The following TAFA2 variants were observed in gnomAD, a reference collection of about 807,000 sequenced individuals.
The protein encoded by TAFA2 is TAFA chemokine like family member 2, also known as chemokine-like protein TAFA-2.
A neutral mutation model predicts 18.8 loss-of-function variants in TAFA2; 7 were observed. The observed-to-expected ratio is 0.37, with a 90% CI of 0.21 to 0.70. The LOEUF (loss-of-function observed/expected upper bound fraction) is 0.70. Among genes scored for constraint, TAFA2 ranks in the 30% least tolerant of loss-of-function variants. The pLI, the probability that TAFA2 is intolerant of heterozygous loss-of-function variation, is 0.53. For missense variants in TAFA2, 122 were observed against 158.1 expected, an observed-to-expected ratio of 0.77 and a Z score of 1.23; for synonymous variants, 60 against 54.2, an observed-to-expected ratio of 1.11 and a Z score of -0.47.
chr12:62,021,777 T>C, intron 1 of TAFA2: 1 of 1,063,252 alleles, frequency 9.4e-7, no homozygotes, highest in East Asian at 2.4e-5. Context: ...GAGCAACACA[T>C]GGCACATGGC....
intron 1 of TAFA2, among the ~76,000 whole-genome samples, chr12:61,960,742 TTTTTA>T (rs1878854477): frequency 6.7e-6 from 1 of 149,344 alleles, no homozygotes; most frequent in South Asian, 2.2e-4. Context: ...TTGTGTCTGT[TTTTTA>T]AAGTTTAGCC....
At chr12:61,717,572 A>G (rs555653163) in intron 4 of TAFA2, among the ~76,000 whole-genome samples, 1 of 152,296 alleles carries the variant, frequency 6.6e-6, no homozygotes, top group South Asian at 2.1e-4. Flanking sequence ...CATTTCCACT[A>G]AAGGACCTTG....
intron 1 of TAFA2, among the ~76,000 whole-genome samples, chr12:61,975,331 G>A (rs914075005): frequency 6.6e-6 from 1 of 151,270 alleles, no homozygotes; most frequent in East Asian, 1.9e-4. Flanking sequence ...CCAACCTCTG[G>A]TAACCACCAT....
chr12:62,206,632 AGCCTCCTGCCTCATTTTTT>A (rs1300106087), intron 1 of TAFA2, among the ~76,000 whole-genome samples: 1 of 151,926 alleles, frequency 6.6e-6, no homozygotes, highest in East Asian at 1.9e-4. Flanking sequence ...GGCTCAAGAG[AGCCTCCTGCCTCATTTTTT>A]GACTTTTTTG....
chr12:61,837,209 C>G (rs546376361), intron 2 of TAFA2, among the ~76,000 whole-genome samples: 1 of 151,984 alleles, frequency 6.6e-6, no homozygotes, highest in Non-Finnish European at 1.5e-5. Flanking sequence ...GCAATAGAAT[C>G]AAAAATTCTA....
At chr12:61,815,042 T>C (rs143472197) in intron 2 of TAFA2, among the ~76,000 whole-genome samples, 1 of 151,708 alleles carries the variant, frequency 6.6e-6, no homozygotes, top group Non-Finnish European at 1.5e-5. Flanking sequence ...TAGTGTGTGG[T>C]AATTTGTTAC....
intron 2 of TAFA2, among the ~76,000 whole-genome samples, chr12:61,831,369 T>C (rs2121092519): frequency 6.6e-6 from 1 of 152,198 alleles, no homozygotes; most frequent in South Asian, 2.1e-4. Context: ...TACTCTATTA[T>C]TTTCAACTTC....
intron 1 of TAFA2, among the ~76,000 whole-genome samples, chr12:62,133,253 T>C (rs560035303): frequency 6.6e-6 from 1 of 152,152 alleles, no homozygotes; most frequent in East Asian, 1.9e-4. Flanking sequence ...ACTTTCCACA[T>C]TGGATATTCT....
intron 1 of TAFA2, among the ~76,000 whole-genome samples, chr12:62,209,635 T>A (rs1024636889): frequency 1.3e-5 from 2 of 152,192 alleles, no homozygotes; most frequent in Non-Finnish European, 2.9e-5. Flanking sequence ...AAATAGATAT[T>A]AGCAATACCT....
chr12:62,217,383 A>G (rs1047172259), intron 1 of TAFA2, among the ~76,000 whole-genome samples: 1 of 152,010 alleles, frequency 6.6e-6, no homozygotes, highest in African/African-American at 2.4e-5. Context: ...GGAGTTACAC[A>G]CCATTTTTTA....
chr12:62,055,946 A>C (rs1335943655), intron 1 of TAFA2, among the ~76,000 whole-genome samples: 1 of 152,222 alleles, frequency 6.6e-6, no homozygotes, highest in Non-Finnish European at 1.5e-5. Context: ...GCTATCATAC[A>C]TAAATGTAAG....
At chr12:61,749,101 A>G (rs1012155185) in intron 4 of TAFA2, among the ~76,000 whole-genome samples, 18 of 139,292 alleles carry the variant, frequency 1.3e-4, no homozygotes, top group Non-Finnish European at 2.4e-4. Flanking sequence ...CCCCGTTGTT[A>G]CTAAAAATAA....
chr12:61,728,694 A>G (rs1315148520), intron 4 of TAFA2, among the ~76,000 whole-genome samples: 1 of 151,788 alleles, frequency 6.6e-6, no homozygotes, highest in Non-Finnish European at 1.5e-5. Context: ...CATTCTGCAT[A>G]TTTGAAGTGG....
chr12:61,913,317 T>C (rs1310615231), intron 1 of TAFA2, among the ~76,000 whole-genome samples: 1 of 152,214 alleles, frequency 6.6e-6, no homozygotes, highest in Non-Finnish European at 1.5e-5. Flanking sequence ...ACTCAAGGAA[T>C]CTGCATCTTC....
intron 1 of TAFA2, among the ~76,000 whole-genome samples, chr12:62,223,430 G>A (rs145817742): frequency 1.1e-4 from 17 of 152,136 alleles, no homozygotes; most frequent in Admixed American, 2.6e-4. Flanking sequence ...CCCTCACCTC[G>A]GCCTCCCAAA....
chr12:62,030,273 G>A (rs1487517773), intron 1 of TAFA2, among the ~76,000 whole-genome samples: 1 of 152,096 alleles, frequency 6.6e-6, no homozygotes, highest in African/African-American at 2.4e-5. Context: ...CACTGAGGTT[G>A]GAAGATAAGG....
At chr12:62,237,654 G>A (rs1270221864) in intron 1 of TAFA2, among the ~76,000 whole-genome samples, 2 of 152,134 alleles carry the variant, frequency 1.3e-5, no homozygotes, top group Non-Finnish European at 2.9e-5. Context: ...TTTGCTATCT[G>A]GCTTGTTTTC....
intron 1 of TAFA2, among the ~76,000 whole-genome samples, chr12:62,240,803 G>A (rs1328983740): frequency 6.6e-6 from 1 of 152,208 alleles, no homozygotes; most frequent in East Asian, 1.9e-4. Context: ...GGGCAAGTGA[G>A]AGAAGCTGAG....
chr12:62,090,772 G>C (rs986981585), intron 1 of TAFA2, among the ~76,000 whole-genome samples: 23 of 152,018 alleles, frequency 1.5e-4, no homozygotes, highest in African/African-American at 5.6e-4. Flanking sequence ...TATTCTGTTA[G>C]AGTAAGAAGA....
Sources: gnomAD v4.1 joint callset for allele counts (sites outside exome capture counted in the v4.1 genomes callset) on GRCh38, gnomAD v4.1.1 for gene constraint, MANE v1.5 for transcripts, NCBI Gene and HGNC (gene_info 2026-07-23, HGNC 2026-07-21) for gene names.